DYNC2H1: variants seen among roughly 807,000 people sequenced by gnomAD.
DYNC2H1 encodes the protein cytoplasmic dynein 2 heavy chain 1.
DYNC2H1 carries 410 observed loss-of-function variants against 570.0 expected under a neutral mutation model. That is an observed-to-expected ratio of 0.72 (90% CI 0.66 to 0.78). The LOEUF (loss-of-function observed/expected upper bound fraction) is 0.78. Among genes scored for constraint, DYNC2H1 ranks in the 30% least tolerant of loss-of-function variants. DYNC2H1 has a pLI of 0.00. For missense variants in DYNC2H1, 4,865 were observed against 5,046.4 expected (o/e 0.96, Z 1.09); for synonymous variants, 1,688 against 1,677.6 (o/e 1.01, Z -0.15).
chr11:103,291,522 T>C (rs946485940), intron 75 of DYNC2H1, among the ~76,000 whole-genome samples: 2 of 152,210 alleles, frequency 1.3e-5, no homozygotes, highest in Non-Finnish European at 2.9e-5. Context: ...AGTATACAAC[T>C]TGATTCTGTA....
chr11:103,198,329 T>C (rs1242319620), intron 48 of DYNC2H1, among the ~76,000 whole-genome samples: 1 of 152,170 alleles, frequency 6.6e-6, no homozygotes, highest in African/African-American at 2.4e-5. Context: ...GAAATTACTC[T>C]GGAGCAGTGG....
chr11:103,459,016 T>C (rs949938873), intron 87 of DYNC2H1, among the ~76,000 whole-genome samples: 2 of 151,962 alleles, frequency 1.3e-5, no homozygotes, highest in African/African-American at 4.8e-5. Context: ...AACTAACTTA[T>C]TAGAAATTCC....
intron 17 of DYNC2H1, among the ~76,000 whole-genome samples, chr11:103,136,833 G>T (rs1859585220): frequency 6.6e-6 from 1 of 152,162 alleles, no homozygotes; most frequent in Non-Finnish European, 1.5e-5. Flanking sequence ...CTAGTTTACA[G>T]TCCCACCAAC....
intron 83 of DYNC2H1, among the ~76,000 whole-genome samples, chr11:103,366,422 T>C (rs187319105): frequency 1.9e-3 from 293 of 152,282 alleles, no homozygotes; most frequent in South Asian, 9.7e-3. Flanking sequence ...CAAGGTTTAT[T>C]TATAAATGAA....
At chr11:103,368,934 C>G (rs1941029509) in intron 83 of DYNC2H1, among the ~76,000 whole-genome samples, 1 of 152,034 alleles carries the variant, frequency 6.6e-6, no homozygotes, top group Admixed American at 6.5e-5. Flanking sequence ...CACCAGTCAC[C>G]CTCCCCTCTA....
Position 103,211,949 on chromosome 11 carries a change from G to C in DYNC2H1, c.8694+6G>C. On this transcript the variant is annotated splice_donor_region_variant and intron_variant, in intron 54 of 88. Transcript: ENST00000375735. ...AAAGACAAAGTCATTTGCAGGTATA[G>C]TATTGGTAATCTTGAATTATTTTAT... 1 of 1,502,970 alleles carries C rather than the reference G, an allele frequency of 6.7e-7. No homozygotes were observed. The highest frequency in any genetic ancestry group is 8.9e-7 in the Non-Finnish European group (1 of 1,126,002). 93.1% of individuals were successfully genotyped at this position (1,502,970 alleles called of 1,614,324 possible). A position where few individuals can be genotyped will look rare whatever the true frequency, so the allele number is the denominator to read the frequency against.
Position 103,360,316 on chromosome 11 carries a change from G to A in DYNC2H1, c.12156+1957G>A, listed in dbSNP as rs146014270. Reference sequence around the variant, plus strand: ...AAAATGGGACTTCCAGAGCCAGACCGGTGGGGTTCAAATTTCAGTTCTAGA... The same window carrying A: ...AAAATGGGACTTCCAGAGCCAGACCAGTGGGGTTCAAATTTCAGTTCTAGA... On this transcript the variant is annotated intron_variant, in intron 83 of 88. Transcript: ENST00000375735. 2.3e-3 allele frequency among the ~76,000 whole-genome samples: 354 copies of A among 152,116 alleles called. 2 individuals are homozygous for A. Among genetic ancestry groups the A allele is most frequent in the African/African-American group, 7.2e-3 (298 of 41,500 alleles).
chr11:103,168,343 T>G (rs1861423043), intron 31 of DYNC2H1, among the ~76,000 whole-genome samples: 1 of 152,146 alleles, frequency 6.6e-6, no homozygotes, highest in South Asian at 2.1e-4. Context: ...AAAAATACAA[T>G]GGTAAATCCA....
chr11:103,186,113 T>C lies in DYNC2H1; in HGVS notation c.6634-129T>C, dbSNP rs1862056614. 2.4e-6 allele frequency: 2 copies of C among 835,816 alleles called. No homozygotes were observed. Among genetic ancestry groups the C allele is most frequent in the Non-Finnish European group, 1.8e-6 (1 of 555,508 alleles). 51.8% of individuals were successfully genotyped at this position (835,816 alleles called of 1,614,324 possible). On this transcript the variant is annotated intron_variant, in intron 41 of 88. Transcript: ENST00000375735. This position sits in a 1 kb window ranked among gnomAD's most constrained non-coding sequence, Gnocchi z 4.5. ...ATAAAATGTTACATTAATGATAAAA[T>C]AGGTTTAGTTTATGTAAAGTTTTCT...
intron 40 of DYNC2H1, among the ~76,000 whole-genome samples, chr11:103,183,915 A>G (rs1444374376): frequency 1.3e-5 from 2 of 151,966 alleles, no homozygotes; most frequent in Non-Finnish European, 2.9e-5. Flanking sequence ...AGACAAGGAA[A>G]ATAAGGATTG....
In DYNC2H1 at chr11:103,325,989, G is replaced by A. The variant is rs1283654572; in HGVS notation, c.12039+1999G>A. The stretch of plus-strand genomic sequence containing the variant: ...TTCCTTTAACTCTGATGCAAGTTGG[G>A]TGCACTCAGTTGGGTTTGGTTTGGG... On this transcript the variant is annotated intron_variant, in intron 82 of 88. Coordinates refer to ENST00000375735, the MANE Select transcript of DYNC2H1 (RefSeq NM_001377.3). The surrounding 1 kb of genome is among the most constrained non-coding windows in gnomAD (Gnocchi z 4.8). Among the ~76,000 whole-genome samples, 2 of 152,112 alleles carry A rather than the reference G, an allele frequency of 1.3e-5. No individual in the cohort carries two copies. Among genetic ancestry groups the A allele is most frequent in the African/African-American group, 4.8e-5 (2 of 41,412 alleles).
chr11:103,465,342 G>A lies in DYNC2H1; in HGVS notation c.12649-3247G>A, dbSNP rs1341532569. ...AAATACAAGAAAGAAGAACTTAATG[G>A]TGAAAATGTCCTGTTTACATATCAC... is the stretch of plus-strand genomic sequence containing the variant. On this transcript the variant is annotated intron_variant, in intron 87 of 88. Coordinates refer to ENST00000375735, the MANE Select transcript of DYNC2H1 (RefSeq NM_001377.3). This position sits in a 1 kb window ranked among gnomAD's most constrained non-coding sequence, Gnocchi z 4.9. Among the ~76,000 whole-genome samples the A allele has an allele frequency of 1.3e-5, 2 of 152,062 alleles. No homozygotes were observed. The highest frequency in any genetic ancestry group is 2.9e-5 in the Non-Finnish European group (2 of 68,000).
chr11:103,287,660 A>G (rs1866404101), intron 75 of DYNC2H1, 55 bp downstream of exon 75: 6 of 1,411,502 alleles, frequency 4.3e-6, no homozygotes, highest in Non-Finnish European at 4.9e-6. Flanking sequence ...TTTGTTTTTA[A>G]TTTACCTTTC....
intron 28 of DYNC2H1, among the ~76,000 whole-genome samples, chr11:103,159,469 C>A (rs1242030532): frequency 6.6e-6 from 1 of 151,962 alleles, no homozygotes; most frequent in Non-Finnish European, 1.5e-5. Context: ...ACTCCATAGG[C>A]AGTTATTGTC....
At chr11:103,263,332 G>A (rs992110419) in intron 70 of DYNC2H1, among the ~76,000 whole-genome samples, 8 of 152,018 alleles carry the variant, frequency 5.3e-5, no homozygotes, top group African/African-American at 1.2e-4. Flanking sequence ...TTCAGGAGTC[G>A]AACTCAGCTC....
In DYNC2H1 at chr11:103,260,034, A is replaced by ATATTTATAGTTATATTTATAAATATAACT. The variant is rs58492880; in HGVS notation, c.10695+57_10695+58insTATTTATAGTTATATTTATAAATATAACT. On this transcript the variant is annotated intron_variant, in intron 70 of 88. Coordinates refer to ENST00000375735, the MANE Select transcript of DYNC2H1 (RefSeq NM_001377.3). The stretch of plus-strand genomic sequence containing the variant: ...TACTACTTGTTCTGTGATTTAACGT[A>ATATTTATAGTTATATTTATAAATATAACT]ATATTTATAGTTATAGTATAACTCT... 29 of 932,678 alleles carry ATATTTATAGTTATATTTATAAATATAACT rather than the reference A, an allele frequency of 3.1e-5. No homozygotes were observed. The African/African-American group carries it at 4.3e-4, about 14-fold the overall frequency. The allele number at this position is 932,678 out of a possible 1,614,324, so 57.8% of individuals were successfully genotyped here. A position where few individuals can be genotyped will look rare whatever the true frequency, so the allele number is the denominator to read the frequency against.
rs942255988 is a variant in DYNC2H1 at position 103,363,448 on chromosome 11, G to A, written c.12156+5089G>A. ...TTTAGCAATTTCAAAATTGCTGTTA[G>A]GGGTTTAGATTAATACTCAATTTAA... On this transcript the variant is annotated intron_variant, in intron 83 of 88. Transcript: ENST00000375735. The surrounding 1 kb of genome is among the most constrained non-coding windows in gnomAD (Gnocchi z 5.6). Among the ~76,000 whole-genome samples the A allele has an allele frequency of 2.0e-5, 3 of 152,098 alleles. No homozygotes were observed. Among genetic ancestry groups the A allele is most frequent in the Non-Finnish European group, 2.9e-5 (2 of 68,014 alleles).
intron 82 of DYNC2H1, among the ~76,000 whole-genome samples, chr11:103,357,706 A>C (rs906179674): frequency 1.3e-5 from 2 of 152,220 alleles, no homozygotes; most frequent in Non-Finnish European, 2.9e-5. Context: ...TAATCCCAGC[A>C]TTTTGGGAGG....
At chr11:103,316,461 CATTTA>C (rs1277150251) in intron 79 of DYNC2H1, 79 bp from the exon 80 acceptor site, 14 of 881,280 alleles carry the variant, frequency 1.6e-5, no homozygotes, top group African/African-American at 3.6e-5. Flanking sequence ...CTATATTGAT[CATTTA>C]ATTTAAAGAC....
Sources: gnomAD v4.1 joint callset for allele counts (sites outside exome capture counted in the v4.1 genomes callset) on GRCh38, gnomAD v4.1.1 for gene constraint, Gnocchi (gnomAD v3.1) non-coding constraint, MANE v1.5 for transcripts, NCBI Gene and HGNC (gene_info 2026-07-23, HGNC 2026-07-21) for gene names.